The following DNAH10 variants were observed in gnomAD, a reference collection of about 807,000 sequenced individuals.
DNAH10 encodes dynein axonemal heavy chain 10.
DNAH10 carries 348 observed loss-of-function variants against 506.6 expected under a neutral mutation model. The ratio of observed to expected loss-of-function variants is 0.69; its 90% confidence interval spans 0.63 to 0.75. The LOEUF (loss-of-function observed/expected upper bound fraction) is 0.75, where lower values mean the gene tolerates loss of function less well. DNAH10 is among the 30% of genes least tolerant of loss of function. DNAH10 has a pLI of 0.00. For missense variants in DNAH10, 5,179 were observed against 5,787.1 expected (o/e 0.89, Z 3.41); for synonymous variants, 2,059 against 2,198.6 (o/e 0.94, Z 1.78).
At chr12:123,877,713 G>T in intron 47 of DNAH10, 23 bp from the exon 48 acceptor site, 1 of 1,603,560 alleles carries the variant, frequency 6.2e-7, no homozygotes. Flanking sequence ...GTGTGTTGGG[G>T]GGGGTGTCTT....
rs140721559 is a variant in DNAH10, at chr12:123,770,799, G to A, written c.299-802G>A. On this transcript the variant is annotated intron_variant, in intron 2 of 78. Transcript: ENST00000673944. Reference sequence around the variant, plus strand: ...GCTCCTTTCTCTAATCACCGGCCTTGTTGGATGTTCTGAGGGCTCAGACTT... The same window carrying A: ...GCTCCTTTCTCTAATCACCGGCCTTATTGGATGTTCTGAGGGCTCAGACTT... Among the ~76,000 whole-genome samples, 198 of 152,200 alleles carry A rather than the reference G, an allele frequency of 1.3e-3. 1 individual carries two copies. In the South Asian group the frequency reaches 0.019, roughly 15 times the overall value.
At chr12:123,809,798 G>A (rs1594082964) in intron 19 of DNAH10, among the ~76,000 whole-genome samples, 2 of 152,110 alleles carry the variant, frequency 1.3e-5, no homozygotes, top group African/African-American at 4.8e-5. Context: ...TCTAGCCCCT[G>A]GCTGCCTTTC....
At chr12:123,843,843 G>T (rs1950855567) in intron 30 of DNAH10, among the ~76,000 whole-genome samples, 1 of 152,300 alleles carries the variant, frequency 6.6e-6, no homozygotes, top group Non-Finnish European at 1.5e-5. Flanking sequence ...CTCCCAAAGC[G>T]CTGGGATTAC....
chr12:123,804,896 G>A lies in DNAH10; in HGVS notation c.2843G>A (p.Arg948Gln), dbSNP rs752103532. Residue 948 changes from arginine (R) to glutamine (Q), a missense_variant, in exon 18 of 79, where the codon CGG becomes CAG. Physicochemically the swap from Arg to Gln is conservative, Grantham distance 43. Around this residue, in one of 3 missense-constraint regions of DNAH10, gnomAD observed 4,844 missense variants for 5,430.5 expected, o/e 0.89. Coordinates refer to ENST00000673944, the MANE Select transcript of DNAH10 (RefSeq NM_001372106.1). ...ERASDVDHMVRWYLAIGPLLT... is the reference protein window; with the variant it reads ...ERASDVDHMVQWYLAIGPLLT... ...GCCAGCGACGTGGACCACATGGTCCGGTGGTATCTTGCCATTGGACCACTG... is the reference window on the plus strand; with the variant it reads ...GCCAGCGACGTGGACCACATGGTCCAGTGGTATCTTGCCATTGGACCACTG... 3.5e-5 allele frequency: 57 copies of A among 1,613,642 alleles called. No homozygotes were observed. The highest frequency in any genetic ancestry group is 4.2e-5 in the Non-Finnish European group (49 of 1,180,038).
At chr12:123,768,617 C>CA (rs1259463369) in intron 2 of DNAH10, among the ~76,000 whole-genome samples, 1 of 152,230 alleles carries the variant, frequency 6.6e-6, no homozygotes, top group Non-Finnish European at 1.5e-5. Flanking sequence ...TACAAACACT[C>CA]ATGCAGGCGA....
At position 123,841,815 on chromosome 12, in the gene DNAH10, A is replaced by G. The variant is rs149501634; in HGVS notation, c.5360+270A>G. 4.8e-4 allele frequency among the ~76,000 whole-genome samples: 73 copies of G among 152,258 alleles called. 2 individuals are homozygous for G. In the East Asian group the frequency reaches 0.014, roughly 28 times the overall value. ...ATTCTCCCACCTCAGTCTTCAGTGT[A>G]GCTGGGACTACAGTTGTGCACTACC... On this transcript the variant is annotated intron_variant, in intron 30 of 78. Transcript: ENST00000673944.
At chr12:123,893,577 T>C (rs1953085246) in intron 53 of DNAH10, 141 bp downstream of exon 53, 2 of 933,456 alleles carry the variant, frequency 2.1e-6, no homozygotes, top group Non-Finnish European at 3.2e-6. Context: ...CTCTGCACTG[T>C]AGCTTGGGGC....
In DNAH10 at chr12:123,818,937, T is replaced by G. The variant is rs373276577; in HGVS notation, c.3781-13T>G. On this transcript the variant is annotated splice_polypyrimidine_tract_variant and intron_variant, in intron 21 of 78. Transcript: ENST00000673944. ...ATTTGTTGTTTATTCTGTTTTTTGT[T>G]TCTCCTAATTAGCCTCCTGATGCAG... The G allele has an allele frequency of 1.3e-6, 2 of 1,547,034 alleles. No individual in the cohort carries two copies. Among genetic ancestry groups the G allele is most frequent in the Non-Finnish European group, 1.8e-6 (2 of 1,132,980 alleles).
chr12:123,819,706 T>G (rs200806486), intron 23 of DNAH10, among the ~76,000 whole-genome samples: 5 of 145,530 alleles, frequency 3.4e-5, no homozygotes, highest in Admixed American at 6.8e-5. Flanking sequence ...TTCTGTTTTT[T>G]TTTTTTTTTT....
Position 123,875,536 on chromosome 12 carries a change from TG to T in DNAH10, c.8199+51del, listed in dbSNP as rs759370211. 175 of 1,607,462 alleles carry T rather than the reference TG, an allele frequency of 1.1e-4. 2 individuals carry two copies. The Middle Eastern group carries it at 3.0e-3, about 27-fold the overall frequency. ...AAGTCTAAACCGGAAGACCTTGTGT[TG>T]GGGGGAAACATACACAGGGCTGACT... On this transcript the variant is annotated intron_variant, in intron 47 of 78. Transcript: ENST00000673944.
chr12:123,928,442 A>G lies in DNAH10; in HGVS notation c.12161A>G (p.Gln4054Arg). Reference protein sequence around the residue: ...AVARGQWLMLQNCHLLVKWLK... With the variant: ...AVARGQWLMLRNCHLLVKWLK... Reference sequence around the variant, plus strand: ...GCTCGGGGGCAGTGGCTGATGCTGCAGAACTGCCACCTCCTGGTCAAGTGG... The same window carrying G: ...GCTCGGGGGCAGTGGCTGATGCTGCGGAACTGCCACCTCCTGGTCAAGTGG... The change falls in exon 70 of 79, where the codon CAG (glutamine) becomes CGG (arginine). Residue 4054 changes from glutamine (Q) to arginine (R), a missense_variant. Physicochemically the swap from Gln to Arg is conservative, Grantham distance 43. Transcript: ENST00000673944. This position sits in a 1 kb window ranked among gnomAD's most constrained non-coding sequence, Gnocchi z 4.9. 6.2e-7 allele frequency: 1 copy of G among 1,608,832 alleles called. No homozygotes were observed. The highest frequency in any genetic ancestry group is 8.5e-7 in the Non-Finnish European group (1 of 1,178,112).
Position 123,787,681 on chromosome 12 carries a change from G to T in DNAH10, c.1422-123G>T. The T allele has an allele frequency of 8.7e-7, 1 of 1,145,804 alleles. No individual in the cohort carries two copies. Among genetic ancestry groups the T allele is most frequent in the Non-Finnish European group, 1.3e-6 (1 of 799,922 alleles). 71.0% of individuals were successfully genotyped at this position (1,145,804 alleles called of 1,614,324 possible). ...TGCCCGCTCTGCCTTTTCCGATGAG[G>T]CCGTGAAACCAGGGGGGGCGCCCGG... On this transcript the variant is annotated intron_variant, in intron 9 of 78. Coordinates refer to ENST00000673944, the MANE Select transcript of DNAH10 (RefSeq NM_001372106.1). The surrounding 1 kb of genome is among the most constrained non-coding windows in gnomAD (Gnocchi z 4.6).
At chr12:123,776,324 A>G (rs1158024699) in intron 5 of DNAH10, among the ~76,000 whole-genome samples, 2 of 152,226 alleles carry the variant, frequency 1.3e-5, no homozygotes, top group Admixed American at 6.5e-5. Context: ...AGAGAGTACC[A>G]AGAATGACTC....
At position 123,931,142 on chromosome 12, in the gene DNAH10, G is replaced by A. The variant is rs561731627; in HGVS notation, c.12785-199G>A. On this transcript the variant is annotated intron_variant, in intron 73 of 78. Coordinates refer to ENST00000673944, the MANE Select transcript of DNAH10 (RefSeq NM_001372106.1). ...AGATGGGAGAAGAGCTTGAGCCCAGGAGGTCGAGGCTGTAGTGATCAATGA... is the reference window on the plus strand; with the variant it reads ...AGATGGGAGAAGAGCTTGAGCCCAGAAGGTCGAGGCTGTAGTGATCAATGA... 1.3e-4 allele frequency among the ~76,000 whole-genome samples: 20 copies of A among 152,258 alleles called. No homozygotes were observed. In the South Asian group the frequency reaches 3.9e-3, roughly 30 times the overall value.
intron 1 of DNAH10, among the ~76,000 whole-genome samples, chr12:123,765,030 T>A (rs993357440): frequency 2.3e-4 from 35 of 152,002 alleles, no homozygotes; most frequent in African/African-American, 7.5e-4. Flanking sequence ...GTGGTTCTGG[T>A]CTGTTCAGAG....
chr12:123,766,025 C>T (rs545307254), intron 1 of DNAH10, among the ~76,000 whole-genome samples: 4 of 152,028 alleles, frequency 2.6e-5, no homozygotes, highest in African/African-American at 4.8e-5. Context: ...CCTACCTATA[C>T]ATCTATCTCT....
intron 24 of DNAH10, among the ~76,000 whole-genome samples, chr12:123,826,032 G>T (rs1959947643): frequency 6.6e-6 from 1 of 152,132 alleles, no homozygotes; most frequent in African/African-American, 2.4e-5. Context: ...GCTGAGATGG[G>T]AGGATCACTT....
Position 123,928,559 on chromosome 12 carries a change from C to A in DNAH10, c.12278C>A (p.Pro4093His). 6.2e-7 allele frequency: 1 copy of A among 1,607,512 alleles called. No individual in the cohort carries two copies. Reference sequence around the variant, plus strand: ...ACCACGGACCCCACCAAGGGCTTCCCCATTGGGATTCTGCAGAAGTCCCTA... The same window carrying A: ...ACCACGGACCCCACCAAGGGCTTCCACATTGGGATTCTGCAGAAGTCCCTA... ...WLTTDPTKGF[P>H]IGILQKSLKV... The change falls in exon 70 of 79, where the codon CCC (proline) becomes CAC (histidine). Residue 4093 changes from proline to histidine, a missense_variant. Physicochemically the swap from Pro to His is moderately conservative, Grantham distance 77. Transcript: ENST00000673944. The surrounding 1 kb of genome is among the most constrained non-coding windows in gnomAD (Gnocchi z 4.9).
At chr12:123,789,117 G>T (rs553438418) in intron 10 of DNAH10, among the ~76,000 whole-genome samples, 1 of 151,610 alleles carries the variant, frequency 6.6e-6, no homozygotes, top group East Asian at 2.0e-4. Flanking sequence ...GCGTGGTGGC[G>T]GGCGCCTGTA....
Sources: gnomAD v4.1 joint callset for allele counts (sites outside exome capture counted in the v4.1 genomes callset) on GRCh38, gnomAD v4.1.1 for gene constraint, gnomAD v4.1.1 regional missense constraint, Gnocchi (gnomAD v3.1) non-coding constraint, MANE v1.5 for transcripts, NCBI Gene and HGNC (gene_info 2026-07-23, HGNC 2026-07-21) for gene names.